The following AKAP19 variants were observed in gnomAD, a reference collection of about 807,000 sequenced individuals.
AKAP19 encodes the protein A-kinase anchoring protein 19, also known as small A-kinase anchoring protein.
At chr2:189,984,702 C>A in the AKAP19 span, among the ~76,000 whole-genome samples, 1 of 152,106 alleles carries the variant, frequency 6.6e-6, no homozygotes, top group Admixed American at 6.6e-5. Context: ...TTAGAGATTG[C>A]AGTAAAGACA....
chr2:189,882,549 G>T, the AKAP19 span, among the ~76,000 whole-genome samples: 2 of 152,144 alleles, frequency 1.3e-5, no homozygotes, highest in South Asian at 4.1e-4. Flanking sequence ...GCATTCTTTT[G>T]ATTCCTTGAT....
the AKAP19 span, among the ~76,000 whole-genome samples, chr2:189,971,448 G>A: frequency 6.6e-6 from 1 of 152,108 alleles, no homozygotes; most frequent in Non-Finnish European, 1.5e-5. Context: ...GAACACATGC[G>A]TGCATGTGTC....
the AKAP19 span, among the ~76,000 whole-genome samples, chr2:189,978,559 G>T: frequency 1.3e-5 from 2 of 152,214 alleles, no homozygotes; most frequent in South Asian, 4.1e-4. Context: ...GAAGTTTGCA[G>T]TGAGCTGAGA....
the AKAP19 span, among the ~76,000 whole-genome samples, chr2:190,138,312 AGGAGTAGATAGGCCATATTAGT>A: frequency 6.6e-6 from 1 of 152,202 alleles, no homozygotes; most frequent in Non-Finnish European, 1.5e-5. Context: ...GAACTTGATG[AGGAGTAGATAGGCCATATTAGT>A]GGAGTAGAAG....
At chr2:190,034,764 G>A in the AKAP19 span, among the ~76,000 whole-genome samples, 1 of 142,678 alleles carries the variant, frequency 7.0e-6, no homozygotes, top group Non-Finnish European at 1.5e-5. Flanking sequence ...TGAGGTGAGA[G>A]AATCGCTTGA....
At chr2:190,038,993 TTCTTC>T in the AKAP19 span, among the ~76,000 whole-genome samples, 1 of 133,700 alleles carries the variant, frequency 7.5e-6, no homozygotes, top group Non-Finnish European at 1.5e-5. Context: ...CTTCCTTTCT[TTCTTC>T]TCTTCTTCTT....
At chr2:189,892,543 A>G in the AKAP19 span, among the ~76,000 whole-genome samples, 2 of 152,130 alleles carry the variant, frequency 1.3e-5, no homozygotes, top group East Asian at 3.9e-4. Context: ...CCCTGTTTGC[A>G]TGGGTATCAC....
At chr2:189,888,555 G>A in the AKAP19 span, among the ~76,000 whole-genome samples, 1 of 152,114 alleles carries the variant, frequency 6.6e-6, no homozygotes, top group Non-Finnish European at 1.5e-5. Flanking sequence ...TCATGATATT[G>A]ATTCTTCCTA....
chr2:189,941,002 C>T, the AKAP19 span, among the ~76,000 whole-genome samples: 1 of 152,078 alleles, frequency 6.6e-6, no homozygotes, highest in Admixed American at 6.5e-5. Flanking sequence ...TTAAAAATAG[C>T]AAGAGAAAAG....
the AKAP19 span, among the ~76,000 whole-genome samples, chr2:189,896,423 T>C: frequency 6.6e-6 from 1 of 152,160 alleles, no homozygotes; most frequent in Non-Finnish European, 1.5e-5. Context: ...GTCATGGCTT[T>C]CTAGGTTCCT....
At chr2:189,974,766 G>A in the AKAP19 span, among the ~76,000 whole-genome samples, 133 of 152,142 alleles carry the variant, frequency 8.7e-4, 1 homozygote, top group East Asian at 0.021. Context: ...ATCTTTGTTG[G>A]TTTAAAGTCT....
At chr2:190,047,156 C>T in the AKAP19 span, among the ~76,000 whole-genome samples, 14 of 152,292 alleles carry the variant, frequency 9.2e-5, no homozygotes, top group Admixed American at 2.0e-4. Flanking sequence ...AAGGCTCATT[C>T]CTTCTCACTC....
the AKAP19 span, among the ~76,000 whole-genome samples, chr2:189,895,657 T>G: frequency 6.6e-6 from 1 of 152,158 alleles, no homozygotes; most frequent in Admixed American, 6.5e-5. Flanking sequence ...ATAGGATTAA[T>G]GTTTTATTTG....
the AKAP19 span, among the ~76,000 whole-genome samples, chr2:189,926,643 C>A: frequency 1.6e-5 from 2 of 127,200 alleles, no homozygotes; most frequent in Non-Finnish European, 3.2e-5. Flanking sequence ...TGCAGTGGCG[C>A]GATCTCGGCT....
chr2:190,117,759 C>T, the AKAP19 span, among the ~76,000 whole-genome samples: 17 of 152,254 alleles, frequency 1.1e-4, no homozygotes, highest in East Asian at 3.3e-3. Flanking sequence ...CCGAAGAAAG[C>T]CAGATATATG....
chr2:190,101,272 C>T, the AKAP19 span, among the ~76,000 whole-genome samples: 3 of 152,228 alleles, frequency 2.0e-5, no homozygotes, highest in South Asian at 6.2e-4. Flanking sequence ...TTGTGTTCTT[C>T]CCTGTCACAG....
chr2:189,902,054 G>A, the AKAP19 span, among the ~76,000 whole-genome samples: 1 of 151,962 alleles, frequency 6.6e-6, no homozygotes, highest in African/African-American at 2.4e-5. Context: ...TAACATTGAT[G>A]AGTCTATTAT....
the AKAP19 span, among the ~76,000 whole-genome samples, chr2:190,176,131 A>T: frequency 1.3e-5 from 2 of 152,230 alleles, no homozygotes; most frequent in Non-Finnish European, 2.9e-5. The surrounding 1 kb of genome is among the most constrained non-coding windows in gnomAD (Gnocchi z 4.7). Flanking sequence ...AATGGGCTAG[A>T]ACAGCAACTC....
the AKAP19 span, among the ~76,000 whole-genome samples, chr2:190,171,774 T>TG: frequency 6.6e-6 from 1 of 152,150 alleles, no homozygotes; most frequent in Non-Finnish European, 1.5e-5. Context: ...ACTAAGTTTA[T>TG]GGGGGGAAAA....
Sources: allele counts gnomAD v4.1 joint callset (sites outside exome capture counted in the v4.1 genomes callset), GRCh38; gene constraint gnomAD v4.1.1; non-coding constraint Gnocchi (gnomAD v3.1); transcripts MANE v1.5; gene names NCBI Gene and HGNC (gene_info 2026-07-23, HGNC 2026-07-21).